PON3: variants seen among roughly 807,000 people sequenced by gnomAD.
The protein encoded by PON3 is paraoxonase 3, also known as serum paraoxonase/lactonase 3.
In PON3, 37 loss-of-function variants were observed where a neutral mutation model predicts 36.3. That is an observed-to-expected ratio of 1.02 (90% CI 0.78 to 1.34). PON3 has a LOEUF of 1.34. Among genes scored for constraint, PON3 ranks in the 40% most tolerant of loss-of-function variants. The pLI is 0.00. For synonymous variants in PON3, 155 were observed against 154.8 expected (o/e 1.00, Z -0.01); for missense variants, 415 against 426.5 (o/e 0.97, Z 0.24).
At chr7:95,363,627 A>C (rs1808625830) in intron 6 of PON3, 2 of 554,542 alleles carry the variant, frequency 3.6e-6, no homozygotes, top group African/African-American at 1.9e-5. Flanking sequence ...AAAATTTGGA[A>C]TGAGGTCCTT....
chr7:95,377,130 G>A (rs1808935869), intron 3 of PON3, among the ~76,000 whole-genome samples: 1 of 152,232 alleles, frequency 6.6e-6, no homozygotes. Context: ...TACGCCCACA[G>A]AGCCTTGCTC....
At chr7:95,371,965 G>A (rs1808816495) in intron 4 of PON3, among the ~76,000 whole-genome samples, 1 of 152,100 alleles carries the variant, frequency 6.6e-6, no homozygotes, top group East Asian at 1.9e-4. Context: ...GAAGGAAGAG[G>A]AGGAGGCCAC....
At chr7:95,386,294 G>T (rs1343207265) in intron 3 of PON3, among the ~76,000 whole-genome samples, 1 of 152,120 alleles carries the variant, frequency 6.6e-6, no homozygotes, top group Non-Finnish European at 1.5e-5. Context: ...AAATGATAAA[G>T]GGGATATCAC....
chr7:95,380,338 C>T (rs534262950), intron 3 of PON3, among the ~76,000 whole-genome samples: 1 of 152,276 alleles, frequency 6.6e-6, no homozygotes, highest in African/African-American at 2.4e-5. Context: ...AGCAATGGAA[C>T]AAAGCTGGAT....
intron 3 of PON3, among the ~76,000 whole-genome samples, chr7:95,388,320 G>A (rs1452652470): frequency 6.6e-6 from 1 of 152,150 alleles, no homozygotes; most frequent in Non-Finnish European, 1.5e-5. Flanking sequence ...CATTTATGCA[G>A]TCAACAGACA....
chr7:95,372,657 G>T (rs141184633), intron 3 of PON3, among the ~76,000 whole-genome samples: 15 of 152,198 alleles, frequency 9.9e-5, no homozygotes, highest in African/African-American at 3.4e-4. Flanking sequence ...TCACATGCCC[G>T]TACCTCACAT....
At chr7:95,377,190 G>A (rs143697147) in intron 3 of PON3, among the ~76,000 whole-genome samples, 5 of 152,198 alleles carry the variant, frequency 3.3e-5, no homozygotes, top group African/African-American at 4.8e-5. Flanking sequence ...CAGCTTGGCA[G>A]GGGGAGGGGC....
intron 2 of PON3, among the ~76,000 whole-genome samples, chr7:95,391,994 C>T (rs1242754785): frequency 3.3e-5 from 5 of 152,162 alleles, no homozygotes; most frequent in Admixed American, 2.0e-4. Flanking sequence ...CCCCTAGTTC[C>T]GGACCATTGG....
chr7:95,376,995 A>G lies in PON3; in HGVS notation c.202-4657T>C, dbSNP rs556946699. On this transcript the variant is annotated intron_variant, in intron 3 of 8. Transcript: ENST00000265627. ...GTCAGGGGATTTCCCTTTCCTAGCC[A>G]AGGGAAGCCGTGACAGTCTGTACCT... Among the ~76,000 whole-genome samples the G allele has an allele frequency of 3.3e-5, 5 of 152,344 alleles. No individual in the cohort carries two copies. In the South Asian group the frequency reaches 1.0e-3, roughly 32 times the overall value.
At chr7:95,373,235 T>C (rs555260812) in intron 3 of PON3, among the ~76,000 whole-genome samples, 1 of 152,226 alleles carries the variant, frequency 6.6e-6, no homozygotes, top group African/African-American at 2.4e-5. Flanking sequence ...TATTTCACCT[T>C]GTCTTTCTGC....
chr7:95,384,863 A>G (rs944804789), intron 3 of PON3, among the ~76,000 whole-genome samples: 1 of 152,232 alleles, frequency 6.6e-6, no homozygotes, highest in East Asian at 1.9e-4. Flanking sequence ...GTATATACCC[A>G]AAGGAATATA....
intron 2 of PON3, among the ~76,000 whole-genome samples, chr7:95,392,956 T>C (rs980519042): frequency 2.8e-4 from 42 of 152,206 alleles, no homozygotes; most frequent in African/African-American, 9.6e-4. Context: ...CACATATTCA[T>C]ATCCCTTCTC....
intron 4 of PON3, among the ~76,000 whole-genome samples, chr7:95,368,206 G>A (rs966839075): frequency 6.6e-6 from 1 of 152,170 alleles, no homozygotes; most frequent in Admixed American, 6.5e-5. Context: ...TAGGTTTGAT[G>A]AGCTCTGGAG....
Position 95,362,452 on chromosome 7 carries a change from G to A in PON3, c.816C>T (p.Val272=), listed in dbSNP as rs145245780. The change falls in exon 8 of 9, where the codon GTC becomes GTT. Residue 272 remains valine (V), a synonymous_variant. Coordinates refer to ENST00000265627, the MANE Select transcript of PON3 (RefSeq NM_000940.3). ...CCAAAATGTCTCCTGTGGCAGGATC[G>A]ACAGTCAGGTTATCCACTAAGGTGC... ...QLGTLVDNLT[V]DPATGDILAG... is the part of the protein sequence containing the mutation. 88 of 1,613,520 alleles carry A rather than the reference G, an allele frequency of 5.5e-5. No homozygotes were observed. Among genetic ancestry groups the A allele is most frequent in the African/African-American group, 3.6e-4 (27 of 74,908 alleles).
intron 3 of PON3, among the ~76,000 whole-genome samples, chr7:95,376,670 G>A (rs1261710028): frequency 6.6e-6 from 1 of 151,766 alleles, no homozygotes; most frequent in East Asian, 1.9e-4. Context: ...ACATACAGTA[G>A]GAAGGACAAA....
In PON3 at chr7:95,364,054, G is replaced by A; in HGVS notation, c.504C>T (p.Asp168=). 6.2e-7 allele frequency: 1 copy of A among 1,613,456 alleles called. No individual in the cohort carries two copies. The highest frequency in any genetic ancestry group is 1.1e-5 in the South Asian group (1 of 91,070). The change falls in exon 6 of 9, where the codon GAC becomes GAT. Residue 168 remains aspartate, a synonymous_variant. Transcript: ENST00000265627. ...ACTGTTCTGGTCCAAGAACCACAAT[G>A]TCATTCACACTAAAGTGAAAGGGAG... ...IKHELLKSVN[D]IVVLGPEQFY...
In PON3 at chr7:95,390,263, C is replaced by T. The variant is rs112989056; in HGVS notation, c.146-54G>A. The T allele has an allele frequency of 4.2e-3, 5,624 of 1,341,598 alleles. 16 individuals are homozygous for T. The highest frequency in any genetic ancestry group is 5.3e-3 in the Non-Finnish European group (4,987 of 932,888). The allele number at this position is 1,341,598 out of a possible 1,614,324, so 83.1% of individuals were successfully genotyped here. ...TGCATATATGAAGGCTTAAAAAATA[C>T]GTCTCACAGTCCAAACTACAAATAT... is the stretch of plus-strand genomic sequence containing the variant. On this transcript the variant is annotated intron_variant, in intron 2 of 8. Coordinates refer to ENST00000265627, the MANE Select transcript of PON3 (RefSeq NM_000940.3).
At chr7:95,367,569 T>C (rs993905518) in intron 4 of PON3, 81 bp from the exon 5 acceptor site, 18 of 1,492,430 alleles carry the variant, frequency 1.2e-5, no homozygotes, top group Non-Finnish European at 1.7e-5. Context: ...ACTTGGTCAC[T>C]TCCAAAAGTT....
At chr7:95,387,380 A>G (rs1266823988) in intron 3 of PON3, among the ~76,000 whole-genome samples, 1 of 152,210 alleles carries the variant, frequency 6.6e-6, no homozygotes, top group African/African-American at 2.4e-5. Flanking sequence ...TCCCATTCAC[A>G]ATTACTATAA....
Sources: gnomAD v4.1 joint callset for allele counts (sites outside exome capture counted in the v4.1 genomes callset) on GRCh38, gnomAD v4.1.1 for gene constraint, MANE v1.5 for transcripts, NCBI Gene and HGNC (gene_info 2026-07-23, HGNC 2026-07-21) for gene names.